The following NEO1 variants were observed in gnomAD, a reference collection of about 807,000 sequenced individuals.
The protein encoded by NEO1 is neogenin.
A neutral mutation model predicts 159.7 loss-of-function variants in NEO1; 63 were observed. That is an observed-to-expected ratio of 0.39 (90% confidence interval 0.32 to 0.49). The LOEUF (loss-of-function observed/expected upper bound fraction) is 0.49. NEO1 is among the 20% of genes least tolerant of loss of function. The pLI is 0.85. For missense variants in NEO1, 1,615 were observed against 1,831.0 expected (o/e 0.88, Z 2.15); for synonymous variants, 633 against 662.0 (o/e 0.96, Z 0.67).
intron 1 of NEO1, among the ~76,000 whole-genome samples, chr15:73,098,386 G>T (rs914451283): frequency 6.6e-5 from 10 of 152,088 alleles, no homozygotes; most frequent in African/African-American, 1.7e-4. Context: ...CTATGAACAA[G>T]TTCTGTGAAG....
intron 7 of NEO1, among the ~76,000 whole-genome samples, chr15:73,180,751 C>CT (rs1357519731): frequency 6.6e-6 from 1 of 152,028 alleles, no homozygotes; most frequent in Non-Finnish European, 1.5e-5. Context: ...TTGCTTCTCT[C>CT]TTTTTGAGAA....
At chr15:73,073,098 T>A (rs908203051) in intron 1 of NEO1, among the ~76,000 whole-genome samples, 1 of 152,076 alleles carries the variant, frequency 6.6e-6, no homozygotes, top group African/African-American at 2.4e-5. Flanking sequence ...GGGCTGTAGA[T>A]TTGTGAGTCA....
chr15:73,068,633 G>T (rs931769790), intron 1 of NEO1, among the ~76,000 whole-genome samples: 2 of 152,022 alleles, frequency 1.3e-5, no homozygotes, highest in Non-Finnish European at 2.9e-5. Flanking sequence ...GTGATTTCCA[G>T]TGGAGGTACA....
intron 1 of NEO1, among the ~76,000 whole-genome samples, chr15:73,060,249 TTTTGTTTG>T (rs887772356): frequency 2.0e-5 from 3 of 151,918 alleles, no homozygotes; most frequent in Admixed American, 6.6e-5. Flanking sequence ...GGATAACTAG[TTTTGTTTG>T]TTTGTTTGTT....
At chr15:73,253,017 A>C (rs1274958832) in intron 11 of NEO1, among the ~76,000 whole-genome samples, 3 of 151,962 alleles carry the variant, frequency 2.0e-5, no homozygotes, top group African/African-American at 7.2e-5. Flanking sequence ...AAACAAAAAG[A>C]TAAACCATCA....
chr15:73,238,277 T>A (rs1338935808), intron 8 of NEO1, among the ~76,000 whole-genome samples: 1 of 54,988 alleles, frequency 1.8e-5, no homozygotes, highest in Non-Finnish European at 4.9e-5. Flanking sequence ...TTGGGTTTTT[T>A]TTTTTTTTTT....
At chr15:73,225,985 C>T (rs2038566319) in intron 7 of NEO1, among the ~76,000 whole-genome samples, 1 of 152,166 alleles carries the variant, frequency 6.6e-6, no homozygotes, top group African/African-American at 2.4e-5. Flanking sequence ...TCCTCTACCC[C>T]TGTATTTTGC....
intron 7 of NEO1, among the ~76,000 whole-genome samples, chr15:73,210,123 C>T (rs2037473304): frequency 6.6e-6 from 1 of 152,098 alleles, no homozygotes; most frequent in Non-Finnish European, 1.5e-5. Context: ...TTGTTGTTTG[C>T]AAATCAGAGT....
intron 13 of NEO1, among the ~76,000 whole-genome samples, chr15:73,257,910 C>T (rs1393113416): frequency 6.6e-6 from 1 of 152,140 alleles, no homozygotes; most frequent in Non-Finnish European, 1.5e-5. Context: ...GATAAATTGA[C>T]TTGGGCCCAG....
At chr15:73,143,367 T>G (rs2032589549) in intron 5 of NEO1, 1 of 157,652 alleles carries the variant, frequency 6.3e-6, no homozygotes, top group African/African-American at 2.4e-5. Flanking sequence ...AACCCCTACC[T>G]CCCACTCCCG....
intron 1 of NEO1, among the ~76,000 whole-genome samples, chr15:73,082,770 T>A (rs1198016283): frequency 6.6e-6 from 1 of 152,186 alleles, no homozygotes; most frequent in Non-Finnish European, 1.5e-5. Context: ...AAAATGTCTC[T>A]TGTCCTCCTG....
At chr15:73,063,982 C>T (rs879338209) in intron 1 of NEO1, among the ~76,000 whole-genome samples, 1 of 152,040 alleles carries the variant, frequency 6.6e-6, no homozygotes, top group Non-Finnish European at 1.5e-5. Flanking sequence ...GTTCAAAGCC[C>T]GAGAAGTAAG....
intron 1 of NEO1, among the ~76,000 whole-genome samples, chr15:73,069,194 T>C (rs1393367190): frequency 6.7e-6 from 1 of 148,322 alleles, no homozygotes; most frequent in Non-Finnish European, 1.5e-5. Flanking sequence ...ACTCCTGGGC[T>C]TAAGCGATCC....
intron 1 of NEO1, among the ~76,000 whole-genome samples, chr15:73,060,795 C>G (rs1214434113): frequency 6.6e-6 from 1 of 151,732 alleles, no homozygotes; most frequent in African/African-American, 2.4e-5. Flanking sequence ...TACAGTCATG[C>G]CTCACCATGC....
Position 73,122,664 on chromosome 15 carries a change from T to C in NEO1, c.588T>C (p.Asp196=). The change falls in exon 3 of 29, where the codon GAT becomes GAC. Residue 196 remains aspartate (D), a synonymous_variant. Coordinates refer to ENST00000261908, the MANE Select transcript of NEO1 (RefSeq NM_002499.4). ...ACAGACAACCCCTTCTTCTGGATGA[T>C]AGAGTTATCAAACTTCCAAGTGGAA... ...EQNRQPLLLD[D]RVIKLPSGML... The C allele has an allele frequency of 6.2e-7, 1 of 1,614,138 alleles. No homozygotes were observed. Among genetic ancestry groups the C allele is most frequent in the Non-Finnish European group, 8.5e-7 (1 of 1,180,012 alleles).
In NEO1 at chr15:73,052,764, G is replaced by A; in HGVS notation, c.89G>A (p.Gly30Asp). 7.9e-7 allele frequency: 1 copy of A among 1,262,396 alleles called. No homozygotes were observed. Among genetic ancestry groups the A allele is most frequent in the Non-Finnish European group, 1.0e-6 (1 of 997,752 alleles). The allele number at this position is 1,262,396 out of a possible 1,614,324, so 78.2% of individuals were successfully genotyped here. Residue 30 changes from glycine (G) to aspartate (D), a missense_variant, in exon 1 of 29, where the codon GGC becomes GAC. By Grantham distance (94) the Gly-to-Asp change is moderately conservative. Around this residue, in one of 3 missense-constraint regions of NEO1, gnomAD observed 1,018 missense variants for 1,115.4 expected, o/e 0.91. Transcript: ENST00000261908. ...CTGCTGCTCGGGCGCCGGGCGCCGGGCGCCGCGGCCGCCAGGAGCGGCTCC... is the reference window on the plus strand; with the variant it reads ...CTGCTGCTCGGGCGCCGGGCGCCGGACGCCGCGGCCGCCAGGAGCGGCTCC... Reference protein sequence around the residue: ...CLLLLGRRAPGAAAARSGSAP... With the variant: ...CLLLLGRRAPDAAAARSGSAP...
intron 7 of NEO1, among the ~76,000 whole-genome samples, chr15:73,198,782 CTTTT>C (rs2036686106): frequency 6.6e-6 from 1 of 151,650 alleles, no homozygotes; most frequent in Non-Finnish European, 1.5e-5. Flanking sequence ...CCTCTTTTTT[CTTTT>C]TGAGTTCAAT....
intron 8 of NEO1, among the ~76,000 whole-genome samples, chr15:73,238,469 TAA>T (rs2039319122): frequency 6.6e-6 from 1 of 151,792 alleles, no homozygotes. Context: ...AAATAATAGA[TAA>T]TTCAAGTAAT....
chr15:73,213,337 A>G (rs1272724784), intron 7 of NEO1, among the ~76,000 whole-genome samples: 2 of 152,130 alleles, frequency 1.3e-5, no homozygotes, highest in Non-Finnish European at 2.9e-5. Flanking sequence ...TAAGTTCTTT[A>G]GTGGTGATCT....
Sources: allele counts gnomAD v4.1 joint callset (sites outside exome capture counted in the v4.1 genomes callset), GRCh38; gene constraint gnomAD v4.1.1; regional missense constraint gnomAD v4.1.1; transcripts MANE v1.5; gene names NCBI Gene and HGNC (gene_info 2026-07-23, HGNC 2026-07-21).